SLC10A7: variants seen among roughly 807,000 people sequenced by gnomAD.
SLC10A7 encodes solute carrier family 10 member 7.
In SLC10A7, 29 loss-of-function variants were observed where a neutral mutation model predicts 43.2. The observed-to-expected ratio is 0.67, with a 90% confidence interval of 0.50 to 0.92. The LOEUF is 0.92. Ranked by LOEUF, SLC10A7 falls within the 40% of genes least tolerant of loss-of-function variation. The probability of loss-of-function intolerance (pLI) is 0.00; values close to 1 mark genes in which losing one functional copy is unlikely to be tolerated. For synonymous variants in SLC10A7, 152 were observed against 144.8 expected, an observed-to-expected ratio of 1.05 and a Z score of -0.35; for missense variants, 295 against 403.2, an observed-to-expected ratio of 0.73 and a Z score of 2.30.
chr4:146,424,389 G>A (rs924635696), intron 5 of SLC10A7, among the ~76,000 whole-genome samples: 1 of 152,122 alleles, frequency 6.6e-6, no homozygotes, highest in Non-Finnish European at 1.5e-5. Flanking sequence ...GGCTGGGCAC[G>A]GTGGCTCACG....
chr4:146,486,217 T>A (rs1734910874), intron 4 of SLC10A7, among the ~76,000 whole-genome samples: 1 of 152,200 alleles, frequency 6.6e-6, no homozygotes, highest in Admixed American at 6.5e-5. Flanking sequence ...AATAAGCTCT[T>A]GAGAGCAATG....
At chr4:146,494,995 G>A (rs758928656) in intron 4 of SLC10A7, among the ~76,000 whole-genome samples, 14 of 152,118 alleles carry the variant, frequency 9.2e-5, no homozygotes, top group East Asian at 1.9e-4. Context: ...CGCCCAATCC[G>A]GAAAATAAGA....
intron 3 of SLC10A7, 124 bp downstream of exon 3, chr4:146,509,789 T>A (rs1300182377): frequency 3.8e-5 from 30 of 790,138 alleles, no homozygotes; most frequent in Non-Finnish European, 5.6e-5. Flanking sequence ...AAAACAAAGA[T>A]GTGTTTTTAC....
intron 4 of SLC10A7, among the ~76,000 whole-genome samples, chr4:146,473,111 T>C (rs1733718486): frequency 6.6e-6 from 1 of 152,224 alleles, no homozygotes; most frequent in African/African-American, 2.4e-5. Context: ...CTTTTAAATG[T>C]AGTTTTTAAT....
chr4:146,301,292 G>C (rs1044445571), intron 7 of SLC10A7, among the ~76,000 whole-genome samples: 1 of 152,140 alleles, frequency 6.6e-6, no homozygotes, highest in African/African-American at 2.4e-5. Flanking sequence ...TGGCAATACA[G>C]TCAAAGGCAT....
rs187608666 is a variant in SLC10A7 at position 146,398,945 on chromosome 4, A to T, written c.435+43838T>A. Among the ~76,000 whole-genome samples the T allele has an allele frequency of 3.2e-3, 486 of 152,358 alleles. 1 individual carries two copies. Among genetic ancestry groups the T allele is most frequent in the African/African-American group, 0.011 (450 of 41,588 alleles). On this transcript the variant is annotated intron_variant, in intron 5 of 11. Coordinates refer to ENST00000335472, the MANE Select transcript of SLC10A7 (RefSeq NM_001029998.6). ...GAGAACGGGAGTGAAAAAGGCAGAC[A>T]AGGACCCGACTCTCTAGTGGAGATT...
At position 146,502,478 on chromosome 4, in the gene SLC10A7, G is replaced by T. The variant is rs111376823; in HGVS notation, c.396+1371C>A. On this transcript the variant is annotated intron_variant, in intron 4 of 11. Transcript: ENST00000335472. ...TAGATGATTCTTCCTTGATTAAAAGGTACTAGAACTTACACCTACTGGATG... is the reference window on the plus strand; with the variant it reads ...TAGATGATTCTTCCTTGATTAAAAGTTACTAGAACTTACACCTACTGGATG... Among the ~76,000 whole-genome samples the T allele has an allele frequency of 2.7e-3, 412 of 152,164 alleles. 4 individuals are homozygous for T. The highest frequency in any genetic ancestry group is 9.7e-3 in the African/African-American group (403 of 41,514).
chr4:146,504,006 G>T, intron 3 of SLC10A7, 82 bp from the exon 4 acceptor site: 1 of 1,195,088 alleles, frequency 8.4e-7, no homozygotes, highest in Non-Finnish European at 1.2e-6. Flanking sequence ...AAATAGCAAG[G>T]CTGAGCAAAT....
chr4:146,363,051 C>T (rs1177030919), intron 5 of SLC10A7, among the ~76,000 whole-genome samples: 1 of 151,994 alleles, frequency 6.6e-6, no homozygotes, highest in African/African-American at 2.4e-5. Flanking sequence ...CCAAATTCTC[C>T]AATCAAAAGA....
At chr4:146,294,380 T>A (rs1262433160) in intron 7 of SLC10A7, among the ~76,000 whole-genome samples, 3 of 152,180 alleles carry the variant, frequency 2.0e-5, no homozygotes, top group African/African-American at 7.2e-5. Flanking sequence ...CACTGAGACA[T>A]GCCCATTAAA....
chr4:146,429,778 C>G (rs1729634759), intron 5 of SLC10A7, among the ~76,000 whole-genome samples: 1 of 151,532 alleles, frequency 6.6e-6, no homozygotes, highest in African/African-American at 2.4e-5. Context: ...TGAAGGACAG[C>G]TAGGATAATA....
chr4:146,411,710 T>C (rs910937337), intron 5 of SLC10A7, among the ~76,000 whole-genome samples: 5 of 152,184 alleles, frequency 3.3e-5, no homozygotes, highest in Admixed American at 6.5e-5. Flanking sequence ...TTTAGTGTTT[T>C]CATTATATTA....
intron 4 of SLC10A7, among the ~76,000 whole-genome samples, chr4:146,494,924 C>T (rs765923076): frequency 2.0e-5 from 3 of 152,166 alleles, no homozygotes; most frequent in Admixed American, 6.5e-5. Context: ...AGGTACGTTT[C>T]ACAAGTTTTA....
At chr4:146,367,053 C>T (rs1264905402) in intron 5 of SLC10A7, among the ~76,000 whole-genome samples, 1 of 151,290 alleles carries the variant, frequency 6.6e-6, no homozygotes, top group East Asian at 1.9e-4. Context: ...TTTGGCTCAT[C>T]TACAAGGCAT....
At chr4:146,404,759 C>T (rs888125063) in intron 5 of SLC10A7, among the ~76,000 whole-genome samples, 3 of 151,970 alleles carry the variant, frequency 2.0e-5, no homozygotes, top group Non-Finnish European at 2.9e-5. Context: ...TGTGAGCCAC[C>T]GCACCTGGCT....
At chr4:146,474,541 T>A (rs1733869797) in intron 4 of SLC10A7, among the ~76,000 whole-genome samples, 1 of 152,102 alleles carries the variant, frequency 6.6e-6, no homozygotes, top group African/African-American at 2.4e-5. Flanking sequence ...AGCATGTATA[T>A]GAAATAGAAA....
intron 5 of SLC10A7, among the ~76,000 whole-genome samples, chr4:146,438,938 T>G (rs949311996): frequency 6.6e-6 from 1 of 152,048 alleles, no homozygotes; most frequent in African/African-American, 2.4e-5. Flanking sequence ...TATACACGTA[T>G]ATACATAAAT....
At chr4:146,441,286 T>G (rs1730578584) in intron 5 of SLC10A7, among the ~76,000 whole-genome samples, 4 of 152,182 alleles carry the variant, frequency 2.6e-5, no homozygotes, top group Admixed American at 2.6e-4. Flanking sequence ...TGTACTTCAC[T>G]AGACCTTACC....
At chr4:146,484,592 A>C (rs1158519293) in intron 4 of SLC10A7, among the ~76,000 whole-genome samples, 1 of 152,186 alleles carries the variant, frequency 6.6e-6, no homozygotes, top group Non-Finnish European at 1.5e-5. Context: ...CAGCAGATAC[A>C]AAGTAGCAGA....
Sources: allele counts gnomAD v4.1 joint callset (sites outside exome capture counted in the v4.1 genomes callset), GRCh38; gene constraint gnomAD v4.1.1; transcripts MANE v1.5; gene names NCBI Gene and HGNC (gene_info 2026-07-23, HGNC 2026-07-21).